Variants in CALN1 observed in about 807,000 individuals in gnomAD.
The protein encoded by CALN1 is calcium-binding protein 8.
In CALN1, 17 loss-of-function variants were observed where a neutral mutation model predicts 30.6. The observed-to-expected ratio is 0.56, with a 90% CI of 0.38 to 0.83. The LOEUF is 0.83. CALN1 is among the 40% of genes least tolerant of loss of function. The probability of loss-of-function intolerance (pLI) is 0.00; values close to 1 mark genes in which losing one functional copy is unlikely to be tolerated. For synonymous variants in CALN1, 156 were observed against 131.4 expected, an observed-to-expected ratio of 1.19 and a Z score of -1.28; for missense variants, 291 against 354.9, an observed-to-expected ratio of 0.82 and a Z score of 1.45.
chr7:72,190,752 G>T (rs566221417), intron 3 of CALN1, among the ~76,000 whole-genome samples: 1 of 152,306 alleles, frequency 6.6e-6, no homozygotes, highest in African/African-American at 2.4e-5. Context: ...CCTCCTGGGA[G>T]AGGTTAGCAT....
At chr7:71,969,301 A>G (rs907019649) in intron 5 of CALN1, among the ~76,000 whole-genome samples, 1 of 151,982 alleles carries the variant, frequency 6.6e-6, no homozygotes, top group African/African-American at 2.4e-5. Context: ...TCTGACATGC[A>G]TTCTCGGTAT....
At chr7:72,243,270 A>T (rs1307651344) in intron 3 of CALN1, among the ~76,000 whole-genome samples, 3 of 152,198 alleles carry the variant, frequency 2.0e-5, no homozygotes, top group Non-Finnish European at 4.4e-5. Context: ...CCAGGAAGAG[A>T]GCCCTCAAGA....
At chr7:71,999,433 T>C (rs1799414212) in intron 5 of CALN1, among the ~76,000 whole-genome samples, 1 of 152,090 alleles carries the variant, frequency 6.6e-6, no homozygotes, top group Non-Finnish European at 1.5e-5. Flanking sequence ...GAACAATCAG[T>C]ATGTATACAG....
the CALN1 span, among the ~76,000 whole-genome samples, chr7:72,501,471 GGAA>G: frequency 0.14 from 20,053 of 141,288 alleles, 1,620 homozygotes; most frequent in African/African-American, 0.17. Flanking sequence ...AGGAGGAGGA[GGAA>G]GAAGGAAGGA....
intron 4 of CALN1, among the ~76,000 whole-genome samples, chr7:72,098,801 C>CACACAG (rs1422585433): frequency 1.3e-3 from 194 of 151,222 alleles, no homozygotes; most frequent in African/African-American, 4.4e-3. Context: ...CACACACACA[C>CACACAG]AGCCAGTCCC....
chr7:72,121,223 ATAAC>A (rs1441867663), intron 3 of CALN1, among the ~76,000 whole-genome samples: 11 of 143,688 alleles, frequency 7.7e-5, no homozygotes, highest in Non-Finnish European at 1.1e-4. Flanking sequence ...TATGTATTAT[ATAAC>A]TATATAATTA....
At chr7:72,059,807 CTG>C (rs1423086471) in intron 4 of CALN1, among the ~76,000 whole-genome samples, 3 of 152,040 alleles carry the variant, frequency 2.0e-5, no homozygotes, top group Non-Finnish European at 2.9e-5. Context: ...TGAAAAAAAA[CTG>C]TGAAAAATTT....
At chr7:71,793,262 C>T (rs549819216) in intron 6 of CALN1, among the ~76,000 whole-genome samples, 8 of 152,140 alleles carry the variant, frequency 5.3e-5, no homozygotes, top group East Asian at 3.9e-4. Flanking sequence ...GCCGAAACTG[C>T]GCCATTGCAC....
chr7:72,205,551 A>AAAATATATATATATATATATATAT, intron 3 of CALN1, among the ~76,000 whole-genome samples: 1 of 83,048 alleles, frequency 1.2e-5, no homozygotes, highest in African/African-American at 7.5e-5. Flanking sequence ...GCAAAAAAAA[A>AAAATATATATATATATATATATAT]ATATATATAT....
In CALN1 at chr7:72,302,590, C is replaced by T. The variant is rs576595545; in HGVS notation, c.120-23780G>A. On this transcript the variant is annotated intron_variant, in intron 2 of 6. Coordinates refer to ENST00000395275, the MANE Select transcript of CALN1 (RefSeq NM_031468.4). ...ATTAGCCAGCATACCAAGCCCCCAT[C>T]TCTACAAAAAATACGAAAACAGGAT... 1.2e-3 allele frequency among the ~76,000 whole-genome samples: 178 copies of T among 152,190 alleles called. 1 individual carries two copies. The highest frequency in any genetic ancestry group is 4.1e-3 in the African/African-American group (171 of 41,534).
intron 5 of CALN1, among the ~76,000 whole-genome samples, chr7:71,816,471 C>A (rs764549176): frequency 6.6e-6 from 1 of 152,202 alleles, no homozygotes; most frequent in Non-Finnish European, 1.5e-5. Flanking sequence ...CTGCCATGAT[C>A]AGAGATGAAG....
intron 5 of CALN1, among the ~76,000 whole-genome samples, chr7:71,960,968 C>T (rs902429617): frequency 2.6e-5 from 4 of 152,126 alleles, no homozygotes; most frequent in Non-Finnish European, 4.4e-5. Flanking sequence ...AGGCTTGTGA[C>T]ACCACACCTG....
chr7:72,298,734 A>G (rs1015849953), intron 2 of CALN1, among the ~76,000 whole-genome samples: 2 of 151,412 alleles, frequency 1.3e-5, no homozygotes, highest in African/African-American at 4.9e-5. Flanking sequence ...AGGTGACTGA[A>G]TTATGGGGGC....
chr7:72,368,197 ATG>A (rs1024218631), intron 2 of CALN1, among the ~76,000 whole-genome samples: 2 of 151,178 alleles, frequency 1.3e-5, no homozygotes, highest in South Asian at 4.2e-4. Flanking sequence ...GTATATATAT[ATG>A]TGTGTGTATA....
chr7:71,986,835 A>C (rs750796202), intron 5 of CALN1, among the ~76,000 whole-genome samples: 3 of 152,150 alleles, frequency 2.0e-5, no homozygotes, highest in Non-Finnish European at 4.4e-5. Flanking sequence ...TAGTTCTTAA[A>C]AGTCTTGTGG....
intron 2 of CALN1, among the ~76,000 whole-genome samples, chr7:72,346,764 C>T (rs1335593483): frequency 1.3e-5 from 2 of 152,128 alleles, no homozygotes; most frequent in Non-Finnish European, 2.9e-5. Context: ...GATCCACCCG[C>T]CTTGGCCTCC....
At chr7:72,487,734 A>AAAAAGAAAGGAAGG in the CALN1 span, among the ~76,000 whole-genome samples, 1 of 56,622 alleles carries the variant, frequency 1.8e-5, no homozygotes, top group Admixed American at 1.8e-4. Flanking sequence ...AGAAAGAAAG[A>AAAAAGAAAGGAAGG]AAGGAAGGAA....
Position 71,789,003 on chromosome 7 carries a change from A to C in CALN1, c.659-1101T>G, listed in dbSNP as rs547474649. ...ATTTTTGTAGAGATGGGGTCTTGCT[A>C]TGTTGCCCAGTATAATCTCAAACTC... On this transcript the variant is annotated intron_variant, in intron 6 of 6. Transcript: ENST00000395275. Among the ~76,000 whole-genome samples the C allele has an allele frequency of 1.1e-3, 172 of 151,914 alleles. 1 individual carries two copies. The highest frequency in any genetic ancestry group is 4.1e-3 in the African/African-American group (168 of 41,438).
chr7:72,457,725 C>T, the CALN1 span, among the ~76,000 whole-genome samples: 7 of 151,778 alleles, frequency 4.6e-5, no homozygotes, highest in East Asian at 1.2e-3. Flanking sequence ...GGTGTCCCTC[C>T]ATAAGTGGCA....
Sources: allele counts gnomAD v4.1 joint callset (sites outside exome capture counted in the v4.1 genomes callset), GRCh38; gene constraint gnomAD v4.1.1; transcripts MANE v1.5; gene names NCBI Gene and HGNC (gene_info 2026-07-23, HGNC 2026-07-21).